CADPS: variants seen among roughly 807,000 people sequenced by gnomAD.
The protein encoded by CADPS is calcium dependent secretion activator, also known as calcium-dependent secretion activator 1.
In CADPS, 57 loss-of-function variants were observed where a neutral mutation model predicts 167.3. The ratio of observed to expected loss-of-function variants is 0.34; its 90% confidence interval spans 0.28 to 0.42. The LOEUF (loss-of-function observed/expected upper bound fraction) is 0.42. Ranked by LOEUF, CADPS falls within the 20% of genes least tolerant of loss-of-function variation. CADPS has a pLI of 1.00. For missense variants in CADPS, 1,414 were observed against 1,738.1 expected (o/e 0.81, Z 3.32); for synonymous variants, 676 against 635.3 (o/e 1.06, Z -0.96).
chr3:62,705,254 C>T (rs1034216786), intron 3 of CADPS, among the ~76,000 whole-genome samples: 6 of 152,188 alleles, frequency 3.9e-5, no homozygotes, highest in Non-Finnish European at 5.9e-5. Flanking sequence ...CTCTCCCTTT[C>T]GAGGCAGTAA....
At chr3:62,429,699 T>A (rs547022564) in intron 28 of CADPS, among the ~76,000 whole-genome samples, 1 of 150,212 alleles carries the variant, frequency 6.7e-6, no homozygotes, top group South Asian at 2.1e-4. Flanking sequence ...TGCCGTTAAG[T>A]CTGCCATAAG....
At chr3:62,409,403 G>C (rs983495967) in intron 28 of CADPS, among the ~76,000 whole-genome samples, 3 of 152,244 alleles carry the variant, frequency 2.0e-5, no homozygotes, top group African/African-American at 7.2e-5. Context: ...GCCTGAGCTT[G>C]GCTTGGTGTC....
At chr3:62,428,824 A>G (rs1023311146) in intron 28 of CADPS, among the ~76,000 whole-genome samples, 1 of 152,138 alleles carries the variant, frequency 6.6e-6, no homozygotes, top group African/African-American at 2.4e-5. Context: ...ATATCTGGAG[A>G]CATTTTCTTC....
At chr3:62,570,074 G>A (rs528263068) in intron 9 of CADPS, among the ~76,000 whole-genome samples, 1 of 152,188 alleles carries the variant, frequency 6.6e-6, no homozygotes, top group African/African-American at 2.4e-5. Context: ...CTGCAGCCTT[G>A]TTAAGAATAG....
intron 1 of CADPS, among the ~76,000 whole-genome samples, chr3:62,860,547 A>T (rs1355677319): frequency 6.6e-6 from 1 of 152,072 alleles, no homozygotes; most frequent in African/African-American, 2.4e-5. Context: ...ACATCCTGCT[A>T]ATATTATATT....
chr3:62,481,867 C>A lies in CADPS; in HGVS notation c.3029G>T (p.Ser1010Ile), dbSNP rs751130300. 5 of 1,606,878 alleles carry A rather than the reference C, an allele frequency of 3.1e-6. No individual in the cohort carries two copies. The highest frequency in any genetic ancestry group is 3.4e-6 in the Non-Finnish European group (4 of 1,177,386). ...CACATTGGGTAGGTTACTGGTTAAA[C>A]TCCTGTGGAAGAAACAGACAGAAAG... ...FERESWEPVK[S>I]LTSNLPNVNL... Residue 1010 changes from serine to isoleucine, a missense_variant and splice_region_variant, in exon 22 of 30, where the codon AGT becomes ATT. Physicochemically the swap from Ser to Ile is moderately radical, Grantham distance 142. This residue lies in a region of CADPS where 529 missense variants were observed against 629.6 expected (regional missense o/e 0.84). Coordinates refer to ENST00000383710, the MANE Select transcript of CADPS (RefSeq NM_003716.4).
At chr3:62,635,956 T>C (rs896301802) in intron 6 of CADPS, among the ~76,000 whole-genome samples, 1 of 152,210 alleles carries the variant, frequency 6.6e-6, no homozygotes, top group Admixed American at 6.5e-5. Context: ...TACATATAAA[T>C]GAACACATTC....
intron 23 of CADPS, among the ~76,000 whole-genome samples, chr3:62,474,748 G>C (rs1263788152): frequency 6.6e-6 from 1 of 152,056 alleles, no homozygotes; most frequent in African/African-American, 2.4e-5. Context: ...AAAACCTCGT[G>C]GTGGGGAAAA....
rs1157741797 is a variant in CADPS at position 62,602,851 on chromosome 3, T to C, written c.1326-10103A>G. On this transcript the variant is annotated intron_variant, in intron 6 of 29. Coordinates refer to ENST00000383710, the MANE Select transcript of CADPS (RefSeq NM_003716.4). The surrounding 1 kb of genome is among the most constrained non-coding windows in gnomAD (Gnocchi z 4.4). ...TCCTCTAAGGCTTCCCCGGCTTAGT[T>C]AAAGGAACTGCCAGCCACCCAGACA... 6.6e-6 allele frequency among the ~76,000 whole-genome samples: 1 copy of C among 152,194 alleles called. No individual in the cohort carries two copies. Among genetic ancestry groups the C allele is most frequent in the African/African-American group, 2.4e-5 (1 of 41,448 alleles).
intron 1 of CADPS, among the ~76,000 whole-genome samples, chr3:62,850,196 C>A (rs1479045209): frequency 7.3e-6 from 1 of 136,822 alleles, no homozygotes; most frequent in African/African-American, 2.7e-5. Flanking sequence ...AGCGGTCTAT[C>A]AATTTTGTTG....
intron 6 of CADPS, among the ~76,000 whole-genome samples, chr3:62,644,432 T>C (rs2068083921): frequency 6.6e-6 from 1 of 152,168 alleles, no homozygotes; most frequent in African/African-American, 2.4e-5. Context: ...AACCCATTAT[T>C]GCTCCTGTGG....
intron 6 of CADPS, among the ~76,000 whole-genome samples, chr3:62,632,568 G>A (rs2065488473): frequency 6.6e-6 from 1 of 152,072 alleles, no homozygotes; most frequent in Admixed American, 6.6e-5. Flanking sequence ...TTATCCTCAT[G>A]AAAGACTTCA....
At position 62,467,297 on chromosome 3, in the gene CADPS, C is replaced by T. The variant is rs1442028835; in HGVS notation, c.3478-884G>A. On this transcript the variant is annotated intron_variant, in intron 24 of 29. Transcript: ENST00000383710. The stretch of plus-strand genomic sequence containing the variant: ...TTATTTGAAAAGGAAAATGCACTTA[C>T]CCACATTTTAGCAAACTTTCAGAAG... The T allele has an allele frequency of 8.0e-6, 10 of 1,254,994 alleles. No individual in the cohort carries two copies. In the Admixed American group the frequency reaches 2.6e-4, roughly 33 times the overall value. The allele number at this position is 1,254,994 out of a possible 1,614,324, so 77.7% of individuals were successfully genotyped here.
At chr3:62,413,948 C>A (rs2049503748) in intron 28 of CADPS, among the ~76,000 whole-genome samples, 1 of 151,902 alleles carries the variant, frequency 6.6e-6, no homozygotes, top group Non-Finnish European at 1.5e-5. Flanking sequence ...AATCCCAGGA[C>A]TGAGGCAATT....
In CADPS at chr3:62,399,647, G is replaced by A; in HGVS notation, c.3883-62C>T. Reference sequence around the variant, plus strand: ...CATCTCCATGATGGGGAGGGAGAAGGTAAAAGCAGGTGTGGGTGGGAGAGC... The same window carrying A: ...CATCTCCATGATGGGGAGGGAGAAGATAAAAGCAGGTGTGGGTGGGAGAGC... On this transcript the variant is annotated intron_variant, in intron 29 of 29. Coordinates refer to ENST00000383710, the MANE Select transcript of CADPS (RefSeq NM_003716.4). The surrounding 1 kb of genome is among the most constrained non-coding windows in gnomAD (Gnocchi z 5.6). 7.0e-7 allele frequency: 1 copy of A among 1,420,288 alleles called. No individual in the cohort carries two copies. Among genetic ancestry groups the A allele is most frequent in the Middle Eastern group, 1.8e-4 (1 of 5,550 alleles). 88.0% of individuals were successfully genotyped at this position (1,420,288 alleles called of 1,614,324 possible). A position where few individuals can be genotyped will look rare whatever the true frequency, so the allele number is the denominator to read the frequency against.
intron 8 of CADPS, among the ~76,000 whole-genome samples, chr3:62,583,625 A>T (rs1288830199): frequency 6.6e-6 from 1 of 152,132 alleles, no homozygotes; most frequent in Non-Finnish European, 1.5e-5. Context: ...CCTCAAGACA[A>T]TGCAAAGCAA....
At chr3:62,682,699 TC>T (rs1466021074) in intron 3 of CADPS, among the ~76,000 whole-genome samples, 1 of 152,070 alleles carries the variant, frequency 6.6e-6, no homozygotes, top group Non-Finnish European at 1.5e-5. Flanking sequence ...TCCTTCCTTC[TC>T]CTTTCCCTTT....
chr3:62,732,237 G>A (rs1402782397), intron 3 of CADPS, among the ~76,000 whole-genome samples: 2 of 152,158 alleles, frequency 1.3e-5, no homozygotes, highest in Non-Finnish European at 2.9e-5. Flanking sequence ...GCCGTGGAAT[G>A]TCACTTCAGT....
chr3:62,628,045 G>A (rs2064457006), intron 6 of CADPS, among the ~76,000 whole-genome samples: 1 of 152,118 alleles, frequency 6.6e-6, no homozygotes, highest in African/African-American at 2.4e-5. Flanking sequence ...TTCTATTGTG[G>A]GTGAAGTAGA....
Sources: allele counts gnomAD v4.1 joint callset (sites outside exome capture counted in the v4.1 genomes callset), GRCh38; gene constraint gnomAD v4.1.1; regional missense constraint gnomAD v4.1.1; non-coding constraint Gnocchi (gnomAD v3.1); transcripts MANE v1.5; gene names NCBI Gene and HGNC (gene_info 2026-07-23, HGNC 2026-07-21).